The following TRABD2B variants were observed in gnomAD, a reference collection of about 807,000 sequenced individuals.
TRABD2B encodes TraB domain containing 2B, also known as metalloprotease TIKI2.
TRABD2B carries 14 observed loss-of-function variants against 40.1 expected under a neutral mutation model. The observed-to-expected ratio is 0.35, with a 90% CI of 0.23 to 0.55. TRABD2B has a LOEUF of 0.55. Ranked by LOEUF, TRABD2B falls within the 20% of genes least tolerant of loss-of-function variation. The pLI is 0.90. For synonymous variants in TRABD2B, 263 were observed against 277.0 expected (o/e 0.95, Z 0.50); for missense variants, 541 against 648.6 (o/e 0.83, Z 1.80).
At chr1:47,917,994 T>C (rs559716366) in intron 2 of TRABD2B, among the ~76,000 whole-genome samples, 2 of 152,310 alleles carry the variant, frequency 1.3e-5, no homozygotes, top group South Asian at 4.1e-4. Flanking sequence ...TTATTCCCAT[T>C]TTGCATTTGG....
intron 2 of TRABD2B, among the ~76,000 whole-genome samples, chr1:47,847,277 G>A (rs140266062): frequency 3.3e-5 from 5 of 152,210 alleles, no homozygotes; most frequent in East Asian, 1.9e-4. Context: ...TCCATGGTGC[G>A]CTGCCACACC....
At chr1:47,834,826 C>T (rs1349976407) in intron 2 of TRABD2B, among the ~76,000 whole-genome samples, 1 of 152,168 alleles carries the variant, frequency 6.6e-6, no homozygotes, top group Non-Finnish European at 1.5e-5. Context: ...AGATTTGCCA[C>T]ATTATATTCT....
At position 47,764,377 on chromosome 1, in the gene TRABD2B, T is replaced by C. The variant is rs1351010746; in HGVS notation, c.*1525A>G. The C allele has an allele frequency of 6.6e-6, 1 of 152,184 alleles. No homozygotes were observed. The highest frequency in any genetic ancestry group is 1.5e-5 in the Non-Finnish European group (1 of 68,044). The allele number at this position is 152,184 out of a possible 1,614,324, so 9.4% of individuals were successfully genotyped here. ...TGTAATTACTGAGGCACCTGCCCCATAGGGTTTCAGGCCTCCCAGGTGGGA... is the reference window on the plus strand; with the variant it reads ...TGTAATTACTGAGGCACCTGCCCCACAGGGTTTCAGGCCTCCCAGGTGGGA... On this transcript the variant is annotated 3_prime_UTR_variant, in exon 7 of 7. Coordinates refer to ENST00000606738, the MANE Select transcript of TRABD2B (RefSeq NM_001194986.2).
In TRABD2B at chr1:47,763,931, G is replaced by A. The variant is rs948546486; in HGVS notation, c.*1971C>T. The A allele has an allele frequency of 6.6e-6, 1 of 152,278 alleles. No individual in the cohort carries two copies. Among genetic ancestry groups the A allele is most frequent in the Non-Finnish European group, 1.5e-5 (1 of 68,062 alleles). The allele number at this position is 152,278 out of a possible 1,614,324, so 9.4% of individuals were successfully genotyped here. ...CAACTCCAGCCTGGATTGAGGTCAA[G>A]TTCAGTTTAGAGCATGGTGCCCACA... On this transcript the variant is annotated 3_prime_UTR_variant, in exon 7 of 7. Transcript: ENST00000606738.
chr1:47,916,442 G>A (rs1186237066), intron 2 of TRABD2B, among the ~76,000 whole-genome samples: 1 of 152,206 alleles, frequency 6.6e-6, no homozygotes, highest in Non-Finnish European at 1.5e-5. Context: ...CACTGTGACT[G>A]AGGGCAGCAG....
rs1172235263 is a variant in TRABD2B at position 47,997,298 on chromosome 1, G to A, written c.-509C>T. ...GGCTCTGGGGCGACCGGCTGCCCCCGAGCCCGGCTCAGAGGGGCGGCGGGC... is the reference window on the plus strand; with the variant it reads ...GGCTCTGGGGCGACCGGCTGCCCCCAAGCCCGGCTCAGAGGGGCGGCGGGC... On this transcript the variant is annotated 5_prime_UTR_variant, in exon 1 of 7. Transcript: ENST00000606738. 3 of 879,780 alleles carry A rather than the reference G, an allele frequency of 3.4e-6. No individual in the cohort carries two copies. The highest frequency in any genetic ancestry group is 4.1e-6 in the Non-Finnish European group (3 of 735,902). 54.5% of individuals were successfully genotyped at this position (879,780 alleles called of 1,614,324 possible). A position where few individuals can be genotyped will look rare whatever the true frequency, so the allele number is the denominator to read the frequency against.
intron 2 of TRABD2B, among the ~76,000 whole-genome samples, chr1:47,987,724 T>G (rs904547679): frequency 6.6e-6 from 1 of 152,110 alleles, no homozygotes; most frequent in Non-Finnish European, 1.5e-5. Flanking sequence ...ATAATCTGAG[T>G]GAGCACATGC....
chr1:47,913,333 A>C (rs1203816940), intron 2 of TRABD2B, among the ~76,000 whole-genome samples: 1 of 152,148 alleles, frequency 6.6e-6, no homozygotes, highest in African/African-American at 2.4e-5. Context: ...AGGCTGGAGC[A>C]AGCCAGTATG....
Position 47,939,579 on chromosome 1 carries a change from C to G in TRABD2B, c.666+54455G>C, listed in dbSNP as rs190929021. 1.1e-4 allele frequency among the ~76,000 whole-genome samples: 16 copies of G among 152,254 alleles called. No individual in the cohort carries two copies. In the East Asian group the frequency reaches 2.5e-3, roughly 24 times the overall value. ...GACAGGGACACTGTAATCCCCTGGA[C>G]AGAAAAATTACGGGAGCTTGAAGAG... On this transcript the variant is annotated intron_variant, in intron 2 of 6. Coordinates refer to ENST00000606738, the MANE Select transcript of TRABD2B (RefSeq NM_001194986.2).
At chr1:47,970,124 G>T (rs1175638271) in intron 2 of TRABD2B, among the ~76,000 whole-genome samples, 1 of 151,762 alleles carries the variant, frequency 6.6e-6, no homozygotes, top group East Asian at 1.9e-4. Context: ...ACTTATCAGA[G>T]ACTCCTGTTT....
intron 4 of TRABD2B, among the ~76,000 whole-genome samples, chr1:47,788,292 C>T (rs1005967249): frequency 7.9e-5 from 12 of 152,156 alleles, no homozygotes; most frequent in African/African-American, 2.9e-4. Context: ...ATATCTCTCC[C>T]TTCTCTCAAG....
intron 2 of TRABD2B, among the ~76,000 whole-genome samples, chr1:47,802,822 T>A (rs1319877030): frequency 6.6e-6 from 1 of 152,182 alleles, no homozygotes; most frequent in Non-Finnish European, 1.5e-5. Flanking sequence ...CTCTTTTAAA[T>A]GCACAAATCT....
At chr1:47,977,806 C>T (rs1346154375) in intron 2 of TRABD2B, among the ~76,000 whole-genome samples, 3 of 151,740 alleles carry the variant, frequency 2.0e-5, no homozygotes, top group Non-Finnish European at 4.4e-5. Context: ...TTAGGGAGAA[C>T]AGAAGTATCA....
At chr1:47,849,353 A>T (rs987416741) in intron 2 of TRABD2B, among the ~76,000 whole-genome samples, 1 of 152,204 alleles carries the variant, frequency 6.6e-6, no homozygotes, top group Non-Finnish European at 1.5e-5. Context: ...GCCATCTGTG[A>T]ACGAAGGAGG....
intron 1 of TRABD2B, among the ~76,000 whole-genome samples, chr1:47,995,831 T>C (rs1262722236): frequency 7.2e-5 from 11 of 152,182 alleles, no homozygotes; most frequent in Non-Finnish European, 2.9e-5. Context: ...ACGAGCTCCC[T>C]GTTTGTGCAC....
In TRABD2B at chr1:47,966,427, C is replaced by T. The variant is rs190133618; in HGVS notation, c.666+27607G>A. On this transcript the variant is annotated intron_variant, in intron 2 of 6. Coordinates refer to ENST00000606738, the MANE Select transcript of TRABD2B (RefSeq NM_001194986.2). The stretch of plus-strand genomic sequence containing the variant: ...GGAGGTGAGAAGGGACATATCTCCA[C>T]TCAGCTTTCAGTGGGATGACAAAAA... Among the ~76,000 whole-genome samples the T allele has an allele frequency of 1.8e-3, 276 of 152,328 alleles. 3 individuals carry two copies. The highest frequency in any genetic ancestry group is 1.2e-3 in the East Asian group (6 of 5,194).
At chr1:47,922,084 A>G (rs1375403611) in intron 2 of TRABD2B, among the ~76,000 whole-genome samples, 6 of 152,224 alleles carry the variant, frequency 3.9e-5, no homozygotes, top group Non-Finnish European at 8.8e-5. Flanking sequence ...CATTTCTGCC[A>G]TCTGTGCTGC....
intron 2 of TRABD2B, among the ~76,000 whole-genome samples, chr1:47,911,118 T>C (rs550741352): frequency 6.6e-6 from 1 of 151,966 alleles, no homozygotes; most frequent in Admixed American, 6.6e-5. Context: ...TGGGGGAAAA[T>C]AGAAATGTGT....
At chr1:47,815,369 T>C (rs758555453) in intron 2 of TRABD2B, among the ~76,000 whole-genome samples, 2 of 152,162 alleles carry the variant, frequency 1.3e-5, no homozygotes, top group Non-Finnish European at 2.9e-5. Flanking sequence ...ACAGGGGCCC[T>C]TGAAGGAGCA....
Sources: allele counts gnomAD v4.1 joint callset (sites outside exome capture counted in the v4.1 genomes callset), GRCh38; gene constraint gnomAD v4.1.1; transcripts MANE v1.5; gene names NCBI Gene and HGNC (gene_info 2026-07-23, HGNC 2026-07-21).